The following SLC6A12 variants were observed in gnomAD, a reference collection of about 807,000 sequenced individuals.
The protein encoded by SLC6A12 is sodium- and chloride-dependent betaine transporter.
A neutral mutation model predicts 73.3 loss-of-function variants in SLC6A12; 50 were observed. That is an observed-to-expected ratio of 0.68 (90% CI 0.54 to 0.86). The LOEUF is 0.86. SLC6A12 is among the 40% of genes least tolerant of loss of function. The probability of loss-of-function intolerance (pLI) is 0.00; values close to 1 mark genes in which losing one functional copy is unlikely to be tolerated. For missense variants in SLC6A12, 648 were observed against 772.8 expected, an observed-to-expected ratio of 0.84 and a Z score of 1.92; for synonymous variants, 304 against 309.2, an observed-to-expected ratio of 0.98 and a Z score of 0.18.
intron 7 of SLC6A12, among the ~76,000 whole-genome samples, 157 bp downstream of exon 7, chr12:200,494 C>A (rs1940196407): frequency 1.3e-5 from 2 of 152,208 alleles, no homozygotes; most frequent in Non-Finnish European, 2.9e-5. Flanking sequence ...CTCCGCCTTC[C>A]TGTGGCTCCC....
At chr12:193,805 T>C (rs937549875) in intron 13 of SLC6A12, among the ~76,000 whole-genome samples, 7 of 152,146 alleles carry the variant, frequency 4.6e-5, no homozygotes, top group South Asian at 4.1e-4. Context: ...AGAAAACTCA[T>C]AGAGGGCTAG....
At chr12:201,515 G>T in intron 6 of SLC6A12, 1 of 497,838 alleles carries the variant, frequency 2.0e-6, no homozygotes, top group Non-Finnish European at 3.7e-6. Context: ...GCAGACACAC[G>T]CATGGAGGTA....
At chr12:187,618 AAAAAAAAAAAAAAC>A (rs1565461352), downstream of SLC6A12, among the ~76,000 whole-genome samples, 31 of 28,750 alleles carry the variant, frequency 1.1e-3, 2 homozygotes, top group Middle Eastern at 0.04. Context: ...AAAAAAAAAA[AAAAAAAAAAAAAAC>A]AAACCACACA....
chr12:199,768 A>G (rs375191640), intron 7 of SLC6A12: 12 of 151,956 alleles, frequency 7.9e-5, no homozygotes, highest in Non-Finnish European at 1.6e-4. Context: ...TAATGCTCAA[A>G]TCTGAATTCT....
intron 3 of SLC6A12, among the ~76,000 whole-genome samples, chr12:206,938 C>G (rs1039821302): frequency 6.6e-6 from 1 of 152,250 alleles, no homozygotes; most frequent in African/African-American, 2.4e-5. Context: ...GGCTTCAGTT[C>G]TCACCTGGGA....
Position 192,489 on chromosome 12 carries a change from G to C in SLC6A12, c.1690C>G (p.Pro564Ala). The C allele has an allele frequency of 6.2e-7, 1 of 1,613,902 alleles. No homozygotes were observed. The highest frequency in any genetic ancestry group is 8.5e-7 in the Non-Finnish European group (1 of 1,179,908). ...VVITLLKTRGPFRKRLRQLIT... is the reference protein window; with the variant it reads ...VVITLLKTRGAFRKRLRQLIT... ...CCTACACCACCTACCTTCCTGAAAG[G>C]ACCCCGAGTCTTCAGGAGGGTGATG... The change falls in exon 15 of 16, where the codon CCT becomes GCT. Residue 564 changes from proline to alanine, a missense_variant. Transcript: ENST00000684302.
chr12:203,065 T>C (rs892403000), intron 4 of SLC6A12, among the ~76,000 whole-genome samples, 185 bp from the exon 5 acceptor site: 6 of 64,842 alleles, frequency 9.3e-5, no homozygotes, highest in Admixed American at 2.0e-4. Flanking sequence ...TTTTCTTTTT[T>C]TTTTTTTTTT....
intron 3 of SLC6A12, among the ~76,000 whole-genome samples, chr12:205,946 A>G (rs773241569): frequency 1.3e-5 from 2 of 152,240 alleles, no homozygotes; most frequent in Non-Finnish European, 2.9e-5. Context: ...CATCCGAAAC[A>G]CTGTCATAAT....
At chr12:206,257 C>G (rs1322828473) in intron 3 of SLC6A12, among the ~76,000 whole-genome samples, 1 of 152,218 alleles carries the variant, frequency 6.6e-6, no homozygotes, top group African/African-American at 2.4e-5. Flanking sequence ...TCCCCAGCCC[C>G]TGGTAGGTGT....
intron 3 of SLC6A12, among the ~76,000 whole-genome samples, chr12:209,151 G>A (rs953698721): frequency 7.3e-5 from 11 of 151,636 alleles, no homozygotes; most frequent in African/African-American, 1.7e-4. Flanking sequence ...GGCACCTGCC[G>A]TTCCCTGTGT....
At chr12:206,062 G>C (rs891898803) in intron 3 of SLC6A12, among the ~76,000 whole-genome samples, 1 of 151,928 alleles carries the variant, frequency 6.6e-6, no homozygotes, top group Non-Finnish European at 1.5e-5. Flanking sequence ...TTTTCTCTTT[G>C]TGTGTGTGTA....
intron 3 of SLC6A12, among the ~76,000 whole-genome samples, chr12:208,095 C>T (rs1490435342): frequency 6.6e-6 from 1 of 152,176 alleles, no homozygotes; most frequent in Non-Finnish European, 1.5e-5. Context: ...TGCCGTGACG[C>T]AGAAATGGTT....
At chr12:209,192 G>C (rs1019301210) in intron 3 of SLC6A12, among the ~76,000 whole-genome samples, 1 of 152,028 alleles carries the variant, frequency 6.6e-6, no homozygotes, top group Non-Finnish European at 1.5e-5. Flanking sequence ...ATACATCCAC[G>C]ACACTCATGC....
chr12:190,725 C>CT lies in SLC6A12; in HGVS notation c.*342dup, dbSNP rs1314188266. On this transcript the variant is annotated 3_prime_UTR_variant, in exon 16 of 16. Transcript: ENST00000684302. The stretch of plus-strand genomic sequence containing the variant: ...TCCCCGTGTACAAATGCAGTACGCT[C>CT]TAACAAGAGGCATCCCCACAGTGGA... 5.5e-6 allele frequency: 1 copy of CT among 181,690 alleles called. No homozygotes were observed. Among genetic ancestry groups the CT allele is most frequent in the East Asian group, 1.3e-4 (1 of 7,440 alleles). 11.3% of individuals were successfully genotyped at this position (181,690 alleles called of 1,614,324 possible).
At position 201,858 on chromosome 12, in the gene SLC6A12, G is replaced by A. The variant is rs377258344; in HGVS notation, c.491-9C>T. 2.8e-5 allele frequency: 45 copies of A among 1,612,094 alleles called. No individual in the cohort carries two copies. Among genetic ancestry groups the A allele is most frequent in the Admixed American group, 6.7e-5 (4 of 59,980 alleles). On this transcript the variant is annotated splice_polypyrimidine_tract_variant and intron_variant, in intron 5 of 15. Transcript: ENST00000684302. ...AAAGTCCGTGCAATGCTCTGTTGGG[G>A]ACAAGGTTAGGGACAAGATGGAGAG...
chr12:199,732 C>G (rs1312539776), intron 7 of SLC6A12: 1 of 152,172 alleles, frequency 6.6e-6, no homozygotes, highest in Non-Finnish European at 1.5e-5. Flanking sequence ...GCATGAAGCA[C>G]AGTCTCCGGC....
chr12:183,929 C>T, the SLC6A12 span, among the ~76,000 whole-genome samples: 1 of 151,698 alleles, frequency 6.6e-6, no homozygotes, highest in Non-Finnish European at 1.5e-5. Context: ...AGAAACAGAA[C>T]ATCTCCAAAC....
chr12:198,760 A>G lies in SLC6A12; in HGVS notation c.846+37T>C. 1 of 1,604,750 alleles carries G rather than the reference A, an allele frequency of 6.2e-7. No individual in the cohort carries two copies. Among genetic ancestry groups the G allele is most frequent in the Non-Finnish European group, 8.5e-7 (1 of 1,173,026 alleles). On this transcript the variant is annotated intron_variant, in intron 8 of 15. Coordinates refer to ENST00000684302, the MANE Select transcript of SLC6A12 (RefSeq NM_001122848.3). This position sits in a 1 kb window ranked among gnomAD's most constrained non-coding sequence, Gnocchi z 4.0. ...AAACTACAGACCTGGCTGGGTGGGG[A>G]AGGCACCTGGGGAAGTGGTCCCAGC...
At chr12:206,048 CT>C (rs1013017602) in intron 3 of SLC6A12, among the ~76,000 whole-genome samples, 4 of 152,272 alleles carry the variant, frequency 2.6e-5, no homozygotes, top group East Asian at 1.9e-4. Flanking sequence ...AAGTTATGCA[CT>C]TTTTTTCTCT....
Sources: gnomAD v4.1 joint callset for allele counts (sites outside exome capture counted in the v4.1 genomes callset) on GRCh38, gnomAD v4.1.1 for gene constraint, Gnocchi (gnomAD v3.1) non-coding constraint, MANE v1.5 for transcripts, NCBI Gene and HGNC (gene_info 2026-07-23, HGNC 2026-07-21) for gene names.